The following CCDC40 variants were observed in gnomAD, a reference collection of about 807,000 sequenced individuals.
The protein encoded by CCDC40 is coiled-coil domain-containing protein 40.
In CCDC40, 104 loss-of-function variants were observed where a neutral mutation model predicts 124.5. The ratio of observed to expected loss-of-function variants is 0.84; its 90% CI spans 0.71 to 0.98. CCDC40 has a LOEUF of 0.98. Ranked by LOEUF, CCDC40 falls within the 50% of genes least tolerant of loss-of-function variation. The probability of loss-of-function intolerance (pLI) is 0.00; values close to 1 mark genes in which losing one functional copy is unlikely to be tolerated. For synonymous variants in CCDC40, 580 were observed against 602.9 expected, an observed-to-expected ratio of 0.96 and a Z score of 0.56; for missense variants, 1,463 against 1,503.9, an observed-to-expected ratio of 0.97 and a Z score of 0.45.
At chr17:80,093,589 T>C (rs1013943576) in intron 17 of CCDC40, among the ~76,000 whole-genome samples, 42 of 151,434 alleles carry the variant, frequency 2.8e-4, no homozygotes, top group African/African-American at 1.0e-3. Flanking sequence ...CTCAGCTCAC[T>C]GCAACCTCTG....
chr17:80,068,392 A>C (rs1774629116), intron 10 of CCDC40, among the ~76,000 whole-genome samples: 1 of 152,164 alleles, frequency 6.6e-6, no homozygotes, highest in Non-Finnish European at 1.5e-5. Context: ...GTAATTACAG[A>C]GATTTGCTGT....
At chr17:80,076,419 C>T (rs139304317) in intron 10 of CCDC40, among the ~76,000 whole-genome samples, 9 of 151,902 alleles carry the variant, frequency 5.9e-5, no homozygotes, top group Non-Finnish European at 1.3e-4. Context: ...ACAAAAAATA[C>T]AAAAATTAGC....
chr17:80,077,169 C>T (rs930309174), intron 10 of CCDC40, among the ~76,000 whole-genome samples: 5 of 152,140 alleles, frequency 3.3e-5, no homozygotes, highest in African/African-American at 9.7e-5. Flanking sequence ...TGCTTAATTG[C>T]GGTGGCCTGC....
chr17:80,088,025 G>A lies in CCDC40; in HGVS notation c.2634G>A (p.Glu878=). Reference sequence around the variant, plus strand: ...CCCCCATGCAGGCCTCTGAGAGGGAGACCATCAAGATGCAGGACAAGCTGA... The same window carrying A: ...CCCCCATGCAGGCCTCTGAGAGGGAAACCATCAAGATGCAGGACAAGCTGA... ...FVRSLKASER[E]TIKMQDKLNQ... is the part of the protein sequence containing the mutation. The change falls in exon 16 of 20, where the codon GAG becomes GAA. Residue 878 remains glutamate, a synonymous_variant. Coordinates refer to ENST00000397545, the MANE Select transcript of CCDC40 (RefSeq NM_017950.4). 2 of 1,613,302 alleles carry A rather than the reference G, an allele frequency of 1.2e-6. No individual in the cohort carries two copies. Among genetic ancestry groups the A allele is most frequent in the African/African-American group, 1.3e-5 (1 of 74,948 alleles).
chr17:80,089,835 TCGGCCAGACGGAGATC>T lies in CCDC40; in HGVS notation c.2787_2802del (p.Gln930ProfsTer2), dbSNP rs1237636766. 2 of 1,614,184 alleles carry T rather than the reference TCGGCCAGACGGAGATC, an allele frequency of 1.2e-6. No homozygotes were observed. The highest frequency in any genetic ancestry group is 2.2e-5 in the South Asian group (2 of 91,080). On this transcript the variant is annotated frameshift_variant, in exon 17 of 20. Coordinates refer to ENST00000397545, the MANE Select transcript of CCDC40 (RefSeq NM_017950.4). LOFTEE classifies it high-confidence loss of function. ...ATGCGTTCCTCAGTGGATTCCGAGA[TCGGCCAGACGGAGATC>T]CGGGCCATGAAGGGCGAGATCCACA...
rs768048215 is a variant in CCDC40, at chr17:80,050,132, GCACCTGGTA to G, written c.1015_1023del (p.Val339_Leu341del). On this transcript the variant is annotated inframe_deletion, in exon 7 of 20. Transcript: ENST00000397545. The stretch of plus-strand genomic sequence containing the variant: ...GGGTGAATCTCTATGAGGTGCAGCA[GCACCTGGTA>G]CACCTGCAGAAGCTGCTGGAGAAGA... 3.7e-6 allele frequency: 6 copies of G among 1,613,848 alleles called. No individual in the cohort carries two copies. In the South Asian group the frequency reaches 6.6e-5, roughly 18 times the overall value.
chr17:80,094,902 T>C (rs77605983), intron 17 of CCDC40, among the ~76,000 whole-genome samples: 2,760 of 152,078 alleles, frequency 0.018, 56 homozygotes, highest in East Asian at 0.053. Context: ...AAATTAACCT[T>C]CATGCAATAC....
intron 10 of CCDC40, 134 bp from the exon 11 acceptor site, chr17:80,081,412 A>G: frequency 1.5e-6 from 1 of 681,560 alleles, no homozygotes; most frequent in Non-Finnish European, 2.5e-6. Context: ...ATAAATAAAT[A>G]AGAGTTGGCT....
intron 7 of CCDC40, among the ~76,000 whole-genome samples, chr17:80,054,181 C>T (rs951485305): frequency 6.6e-6 from 1 of 151,728 alleles, no homozygotes; most frequent in Non-Finnish European, 1.5e-5. Flanking sequence ...ACCAATAAAC[C>T]TTACACACTG....
At chr17:80,071,240 GTCCTATT>G (rs2038179092) in intron 10 of CCDC40, among the ~76,000 whole-genome samples, 1 of 152,210 alleles carries the variant, frequency 6.6e-6, no homozygotes, top group Non-Finnish European at 1.5e-5. Flanking sequence ...ACCTGCCTTT[GTCCTATT>G]TCCTGGCGGG....
In CCDC40 at chr17:80,097,405, T is replaced by C; in HGVS notation, c.3180+2T>C. On this transcript the variant is annotated splice_donor_variant, in intron 19 of 19. Coordinates refer to ENST00000397545, the MANE Select transcript of CCDC40 (RefSeq NM_017950.4). LOFTEE classifies it high-confidence loss of function. ...CGGCTTGGGGCCCTCAAACGACAGG[T>C]AAACGTGTCCCAGGAGGTCCCTGGG... The C allele has an allele frequency of 1.2e-6, 2 of 1,613,468 alleles. No homozygotes were observed. The highest frequency in any genetic ancestry group is 1.1e-5 in the South Asian group (1 of 91,050).
chr17:80,037,690 GATATACATATATAT>G lies in CCDC40; in HGVS notation c.30-427_30-414del, dbSNP rs1360001451. 8.4e-3 allele frequency among the ~76,000 whole-genome samples: 776 copies of G among 92,088 alleles called. 27 individuals are homozygous for G. Among genetic ancestry groups the G allele is most frequent in the Non-Finnish European group, 0.013 (586 of 45,970 alleles). The allele number at this position is 92,088 out of a possible 152,430, so 60.4% of individuals were successfully genotyped here. A position where few individuals can be genotyped will look rare whatever the true frequency, so the allele number is the denominator to read the frequency against. On this transcript the variant is annotated intron_variant, in intron 1 of 19. Transcript: ENST00000397545. Reference sequence around the variant, plus strand: ...CTTGAATCTTTAATTTTTTAAAAAAGATATACATATATATATATATATATATATATTCCTGTGCT... The same window carrying G: ...CTTGAATCTTTAATTTTTTAAAAAAGATATATATATATATATTCCTGTGCT...
intron 10 of CCDC40, 73 bp from the exon 11 acceptor site, chr17:80,081,473 G>A (rs2038447044): frequency 6.3e-7 from 1 of 1,598,968 alleles, no homozygotes; most frequent in Non-Finnish European, 8.6e-7. Context: ...GCTCCCTCGT[G>A]TGGGGCGCAG....
intron 17 of CCDC40, 23 bp downstream of exon 17, chr17:80,089,907 G>A (rs768577024): frequency 1.2e-6 from 2 of 1,613,194 alleles, no homozygotes; most frequent in Non-Finnish European, 1.7e-6. Flanking sequence ...GAGCGGCGTG[G>A]CAGGGCCTGC....
intron 9 of CCDC40, among the ~76,000 whole-genome samples, chr17:80,059,329 A>G (rs1486088467): frequency 6.6e-6 from 1 of 151,974 alleles, no homozygotes; most frequent in East Asian, 1.9e-4. Flanking sequence ...CTTTCTAACA[A>G]TTCTCACCCC....
intron 7 of CCDC40, among the ~76,000 whole-genome samples, chr17:80,054,747 G>T (rs2037694181): frequency 6.6e-6 from 1 of 152,240 alleles, no homozygotes; most frequent in Non-Finnish European, 1.5e-5. Flanking sequence ...GCCGAGGCGG[G>T]CAGATTACCT....
At position 80,039,859 on chromosome 17, in the gene CCDC40, C is replaced by G; in HGVS notation, c.141C>G (p.Val47=). 1.2e-6 allele frequency: 2 copies of G among 1,613,774 alleles called. No individual in the cohort carries two copies. Among genetic ancestry groups the G allele is most frequent in the Non-Finnish European group, 1.7e-6 (2 of 1,179,926 alleles). ...KDDGQKGEEA[V]GSTEHPEEVT... ...ATGGCCAGAAAGGTGAAGAAGCTGTCGGTAGCACAGAGCATCCTGAGGAAG... is the reference window on the plus strand; with the variant it reads ...ATGGCCAGAAAGGTGAAGAAGCTGTGGGTAGCACAGAGCATCCTGAGGAAG... Residue 47 remains valine (V), a synonymous_variant, in exon 3 of 20, where the codon GTC becomes GTG. Coordinates refer to ENST00000397545, the MANE Select transcript of CCDC40 (RefSeq NM_017950.4).
rs368929374 is a variant in CCDC40, at chr17:80,065,574, C to T, written c.1530C>T (p.Asp510=). Residue 510 remains aspartate (D), a synonymous_variant, in exon 10 of 20, where the codon GAC becomes GAT. Coordinates refer to ENST00000397545, the MANE Select transcript of CCDC40 (RefSeq NM_017950.4). The stretch of plus-strand genomic sequence containing the variant: ...GCCTGGTGGGCATGAAGCACCGCGA[C>T]GAGGCGCACAGGGCGGTGCTGGAGG... The part of the protein sequence containing the change: ...ASSLVGMKHR[D]EAHRAVLEAL... 60 of 1,612,906 alleles carry T rather than the reference C, an allele frequency of 3.7e-5. No homozygotes were observed. The East Asian group carries it at 1.2e-3, about 32-fold the overall frequency.
In CCDC40 at chr17:80,099,809, A is replaced by C. The variant is rs577277627; in HGVS notation, c.*34A>C. 2 of 1,608,730 alleles carry C rather than the reference A, an allele frequency of 1.2e-6. No homozygotes were observed. Among genetic ancestry groups the C allele is most frequent in the East Asian group, 2.2e-5 (1 of 44,846 alleles). On this transcript the variant is annotated 3_prime_UTR_variant, in exon 20 of 20. Transcript: ENST00000397545. The stretch of plus-strand genomic sequence containing the variant: ...CTGGACTCCGCCTTGCAAGGCCTCC[A>C]GGAAGAGATCCGGAATTGTGTTTGT...
Sources: allele counts gnomAD v4.1 joint callset (sites outside exome capture counted in the v4.1 genomes callset), GRCh38; gene constraint gnomAD v4.1.1; transcripts MANE v1.5; gene names NCBI Gene and HGNC (gene_info 2026-07-23, HGNC 2026-07-21).